Variants in CDYL2 observed in about 807,000 individuals in gnomAD.
The protein encoded by CDYL2 is chromodomain Y-like protein 2.
CDYL2 carries 23 observed loss-of-function variants against 49.4 expected under a neutral mutation model. The ratio of observed to expected loss-of-function variants is 0.47; its 90% CI spans 0.34 to 0.66. The LOEUF (loss-of-function observed/expected upper bound fraction) is 0.66. CDYL2 is among the 30% of genes least tolerant of loss of function. The pLI is 0.01. For missense variants in CDYL2, 678 were observed against 656.4 expected, an observed-to-expected ratio of 1.03 and a Z score of -0.36; for synonymous variants, 360 against 268.8, an observed-to-expected ratio of 1.34 and a Z score of -3.32.
intron 1 of CDYL2, among the ~76,000 whole-genome samples, chr16:80,711,307 C>G (rs1467577600): frequency 2.0e-5 from 3 of 152,140 alleles, no homozygotes; most frequent in Non-Finnish European, 4.4e-5. Flanking sequence ...ATATAAAGTA[C>G]GTATCTTGAA....
At chr16:80,663,545 C>T (rs558446414) in intron 2 of CDYL2, among the ~76,000 whole-genome samples, 10 of 152,282 alleles carry the variant, frequency 6.6e-5, no homozygotes, top group African/African-American at 2.2e-4. Flanking sequence ...CTAATCACTA[C>T]ATCCAACACC....
At chr16:80,607,370 A>AGG (rs1489973298) in intron 6 of CDYL2, among the ~76,000 whole-genome samples, 2 of 152,100 alleles carry the variant, frequency 1.3e-5, no homozygotes, top group Admixed American at 6.5e-5. Flanking sequence ...CAAGGAAGGG[A>AGG]GGGGCAAGGG....
intron 1 of CDYL2, among the ~76,000 whole-genome samples, chr16:80,741,786 G>A (rs1179002502): frequency 1.3e-5 from 2 of 152,190 alleles, no homozygotes; most frequent in Non-Finnish European, 2.9e-5. Context: ...CCCAGCATTG[G>A]CAGATGTTCA....
At chr16:80,614,256 C>T (rs574046316) in intron 4 of CDYL2, among the ~76,000 whole-genome samples, 4 of 152,342 alleles carry the variant, frequency 2.6e-5, no homozygotes, top group Admixed American at 2.0e-4. Context: ...CCACATTTCC[C>T]GTCTCCGACT....
At chr16:80,804,013 C>T (rs866744496) in intron 1 of CDYL2, 137 bp downstream of exon 1, 26 of 393,592 alleles carry the variant, frequency 6.6e-5, no homozygotes, top group Non-Finnish European at 7.4e-5. Context: ...CACCCTCCGG[C>T]CGCCGCCGCC....
Position 80,712,836 on chromosome 16 carries a change from C to T in CDYL2, c.25-27707G>A, listed in dbSNP as rs145377460. ...ATCTGATGTATGTAAGATGCATGAC[C>T]GGCTCTGAATTTTATATCCCCTGGG... On this transcript the variant is annotated intron_variant, in intron 1 of 6. Coordinates refer to ENST00000570137, the MANE Select transcript of CDYL2 (RefSeq NM_152342.4). 5.4e-3 allele frequency among the ~76,000 whole-genome samples: 821 copies of T among 152,272 alleles called. 7 individuals are homozygous for T. Among genetic ancestry groups the T allele is most frequent in the African/African-American group, 0.018 (746 of 41,546 alleles).
At chr16:80,629,836 T>G (rs1267990661) in intron 3 of CDYL2, among the ~76,000 whole-genome samples, 4 of 152,240 alleles carry the variant, frequency 2.6e-5, no homozygotes, top group African/African-American at 9.6e-5. Flanking sequence ...TGTCTGCTGG[T>G]GGACATTAAA....
chr16:80,663,736 G>A (rs1220919066), intron 2 of CDYL2, among the ~76,000 whole-genome samples: 1 of 152,054 alleles, frequency 6.6e-6, no homozygotes, highest in Non-Finnish European at 1.5e-5. Context: ...AGAATTACAG[G>A]CACCCACCAC....
chr16:80,798,036 T>TTA (rs1464677534), intron 1 of CDYL2, among the ~76,000 whole-genome samples: 2 of 152,162 alleles, frequency 1.3e-5, no homozygotes, highest in Non-Finnish European at 2.9e-5. Context: ...TTGTTGTTTG[T>TTA]TTGTTTTTTG....
chr16:80,710,658 G>A (rs960951161), intron 1 of CDYL2, among the ~76,000 whole-genome samples: 1 of 152,126 alleles, frequency 6.6e-6, no homozygotes, highest in Non-Finnish European at 1.5e-5. Context: ...GGACAATAAT[G>A]ATTTTAGTTG....
chr16:80,659,133 G>C (rs1375410517), intron 2 of CDYL2, among the ~76,000 whole-genome samples: 1 of 152,144 alleles, frequency 6.6e-6, no homozygotes, highest in African/African-American at 2.4e-5. Context: ...AGACAGATGA[G>C]ATGGATAAGA....
In CDYL2 at chr16:80,669,307, T is replaced by C. The variant is rs763967922; in HGVS notation, c.616+15231A>G. On this transcript the variant is annotated intron_variant, in intron 2 of 6. Transcript: ENST00000570137. Reference sequence around the variant, plus strand: ...AAGGGGAAGCAGATACGACGATATATTGACCCCCAAGGCCCCACAGCCCAG... The same window carrying C: ...AAGGGGAAGCAGATACGACGATATACTGACCCCCAAGGCCCCACAGCCCAG... Among the ~76,000 whole-genome samples, 11 of 152,024 alleles carry C rather than the reference T, an allele frequency of 7.2e-5. 1 individual carries two copies. Among genetic ancestry groups the C allele is most frequent in the East Asian group, 5.8e-4 (3 of 5,154 alleles).
In CDYL2 at chr16:80,604,015, G is replaced by C; in HGVS notation, c.*373C>G. On this transcript the variant is annotated 3_prime_UTR_variant, in exon 7 of 7. Transcript: ENST00000570137. The stretch of plus-strand genomic sequence containing the variant: ...AGAGCCATGATGGCCAAGTCTCCAA[G>C]TCAGAGGCACTGTGTAGACACAGCC... 1 of 201,962 alleles carries C rather than the reference G, an allele frequency of 5.0e-6. No individual in the cohort carries two copies. Among genetic ancestry groups the C allele is most frequent in the Admixed American group, 5.3e-5 (1 of 18,900 alleles). 12.5% of individuals were successfully genotyped at this position (201,962 alleles called of 1,614,324 possible). A position where few individuals can be genotyped will look rare whatever the true frequency, so the allele number is the denominator to read the frequency against.
intron 2 of CDYL2, among the ~76,000 whole-genome samples, chr16:80,640,775 G>C (rs1202616808): frequency 6.6e-6 from 1 of 152,116 alleles, no homozygotes; most frequent in Admixed American, 6.5e-5. Flanking sequence ...GAATCAAGCA[G>C]AAATTGTGTA....
intron 5 of CDYL2, among the ~76,000 whole-genome samples, chr16:80,610,287 C>T (rs1201677821): frequency 6.6e-6 from 1 of 152,170 alleles, no homozygotes; most frequent in South Asian, 2.1e-4. Context: ...AGCACCTGCC[C>T]TTCCACAGGT....
In CDYL2 at chr16:80,735,988, T is replaced by G. The variant is rs1905509772; in HGVS notation, c.25-50859A>C. On this transcript the variant is annotated intron_variant, in intron 1 of 6. Transcript: ENST00000570137. ...GGGGCCTCAAGCAAGTAATTACTCC[T>G]CACCCCAGGTGGCTCCATCCGCTGG... Among the ~76,000 whole-genome samples the G allele has an allele frequency of 2.0e-5, 3 of 152,324 alleles. No homozygotes were observed. The South Asian group carries it at 6.2e-4, about 32-fold the overall frequency.
chr16:80,751,372 G>A (rs188617741), intron 1 of CDYL2, among the ~76,000 whole-genome samples: 87 of 152,316 alleles, frequency 5.7e-4, no homozygotes, highest in African/African-American at 1.7e-3. Context: ...TAGCATTCTG[G>A]TCTTCTCCCT....
At chr16:80,772,726 C>T (rs1409929959) in intron 1 of CDYL2, among the ~76,000 whole-genome samples, 1 of 152,140 alleles carries the variant, frequency 6.6e-6, no homozygotes, top group Non-Finnish European at 1.5e-5. Flanking sequence ...GCTGGGATTA[C>T]AGGTGTGAGC....
At chr16:80,689,214 A>C (rs941279163) in intron 1 of CDYL2, among the ~76,000 whole-genome samples, 1 of 152,186 alleles carries the variant, frequency 6.6e-6, no homozygotes, top group African/African-American at 2.4e-5. Flanking sequence ...TTTACTCTCC[A>C]TGATCCCAGC....
Sources: allele counts gnomAD v4.1 joint callset (sites outside exome capture counted in the v4.1 genomes callset), GRCh38; gene constraint gnomAD v4.1.1; transcripts MANE v1.5; gene names NCBI Gene and HGNC (gene_info 2026-07-23, HGNC 2026-07-21).